The following PPP1R1C variants were observed in gnomAD, a reference collection of about 807,000 sequenced individuals.
PPP1R1C encodes protein phosphatase 1 regulatory subunit 1C.
Under a neutral mutation model 17.4 loss-of-function variants are expected in PPP1R1C, and 15 were observed. That is an observed-to-expected ratio of 0.86 (90% CI 0.58 to 1.33). The LOEUF (loss-of-function observed/expected upper bound fraction) is 1.33. Ranked by LOEUF, PPP1R1C falls within the 40% of genes most tolerant of loss-of-function variation. PPP1R1C has a pLI of 0.00. For missense variants in PPP1R1C, 143 were observed against 130.0 expected, an observed-to-expected ratio of 1.10 and a Z score of -0.48; for synonymous variants, 35 against 43.1, an observed-to-expected ratio of 0.81 and a Z score of 0.73.
intron 5 of PPP1R1C, among the ~76,000 whole-genome samples, chr2:182,123,331 A>G (rs1186377923): frequency 2.6e-5 from 4 of 152,144 alleles, no homozygotes; most frequent in African/African-American, 4.8e-5. Flanking sequence ...GTGTGTCTTT[A>G]TAGTAGAATG....
At chr2:181,980,807 CTTCAG>C (rs1685178300) in intron 2 of PPP1R1C, among the ~76,000 whole-genome samples, 1 of 152,112 alleles carries the variant, frequency 6.6e-6, no homozygotes, top group Admixed American at 6.6e-5. Context: ...ACTAATAATT[CTTCAG>C]TTCAATTCAG....
Position 181,962,527 on chromosome 2 carries a change from C to T in PPP1R1C, n.111+7893C>T. ...GGACAGGACTCAGGCTTTGCCGACC[C>T]GTCATAGCAGTTTTCTAAGGAACCT... On this transcript the variant is annotated intron_variant and non_coding_transcript_variant, in intron 1 of 5. Coordinates refer to the PPP1R1C transcript ENST00000464264. The surrounding 1 kb of genome is among the most constrained non-coding windows in gnomAD (Gnocchi z 6.0). The T allele has an allele frequency of 1.1e-5, 7 of 612,016 alleles. No individual in the cohort carries two copies. In the South Asian group the frequency reaches 1.2e-4, roughly 11 times the overall value. The allele number at this position is 612,016 out of a possible 1,614,324, so 37.9% of individuals were successfully genotyped here.
chr2:182,008,604 T>C (rs1213015806), intron 2 of PPP1R1C, among the ~76,000 whole-genome samples: 1 of 152,202 alleles, frequency 6.6e-6, no homozygotes, highest in Non-Finnish European at 1.5e-5. Context: ...AAGCATACAA[T>C]GTGTAGTAAT....
At chr2:182,124,799 A>T (rs1689834246) in intron 5 of PPP1R1C, among the ~76,000 whole-genome samples, 1 of 152,154 alleles carries the variant, frequency 6.6e-6, no homozygotes, top group African/African-American at 2.4e-5. Flanking sequence ...TTTTGGACTG[A>T]GATGATGGGA....
At chr2:182,032,338 C>G (rs1686869872) in intron 2 of PPP1R1C, among the ~76,000 whole-genome samples, 1 of 152,198 alleles carries the variant, frequency 6.6e-6, no homozygotes, top group South Asian at 2.1e-4. Flanking sequence ...GAGACCTACC[C>G]TGTCTACCAT....
At chr2:182,042,227 T>G (rs895361539) in intron 2 of PPP1R1C, among the ~76,000 whole-genome samples, 9 of 152,342 alleles carry the variant, frequency 5.9e-5, no homozygotes, top group African/African-American at 1.9e-4. Flanking sequence ...GAATAAATAC[T>G]TCTTGATCTT....
At position 181,976,600 on chromosome 2, in the gene PPP1R1C, C is replaced by A. The variant is rs1452957221; in HGVS notation, n.157+1336C>A. Among the ~76,000 whole-genome samples the A allele has an allele frequency of 6.6e-6, 1 of 151,900 alleles. No individual in the cohort carries two copies. Among genetic ancestry groups the A allele is most frequent in the African/African-American group, 2.4e-5 (1 of 41,390 alleles). The stretch of plus-strand genomic sequence containing the variant: ...CTTAATATAAATTTTATCTATATAT[C>A]TGTATATCTATATCTATATCTATAT... On this transcript the variant is annotated intron_variant and non_coding_transcript_variant, in intron 2 of 5. Coordinates refer to the PPP1R1C transcript ENST00000464264. The surrounding 1 kb of genome is among the most constrained non-coding windows in gnomAD (Gnocchi z 4.8).
At chr2:182,076,957 T>A (rs943976456) in intron 4 of PPP1R1C, among the ~76,000 whole-genome samples, 2 of 152,220 alleles carry the variant, frequency 1.3e-5, no homozygotes, top group Non-Finnish European at 2.9e-5. Context: ...AATAATGGAA[T>A]TAGTTTTTCT....
intron 4 of PPP1R1C, among the ~76,000 whole-genome samples, chr2:182,071,780 A>C (rs185030056): frequency 5.3e-4 from 81 of 152,322 alleles, no homozygotes; most frequent in Non-Finnish European, 1.1e-3. Context: ...ATACTATATT[A>C]CTTACTTTGT....
chr2:182,123,851 A>T (rs1289690540), intron 5 of PPP1R1C, among the ~76,000 whole-genome samples: 1 of 152,102 alleles, frequency 6.6e-6, no homozygotes, highest in African/African-American at 2.4e-5. Flanking sequence ...GAAGCTCTTT[A>T]GTTTAATTGG....
chr2:181,969,300 C>A (rs1238744012), intron 1 of PPP1R1C, among the ~76,000 whole-genome samples: 2 of 152,164 alleles, frequency 1.3e-5, no homozygotes, highest in Non-Finnish European at 2.9e-5. Context: ...TTGATGAAAT[C>A]TTTCAGCTTT....
At chr2:182,051,396 A>C (rs1349650058) in intron 2 of PPP1R1C, among the ~76,000 whole-genome samples, 1 of 152,176 alleles carries the variant, frequency 6.6e-6, no homozygotes, top group African/African-American at 2.4e-5. Context: ...TGAATGAATG[A>C]CTTTTCCAGT....
intron 3 of PPP1R1C, 85 bp from the exon 4 acceptor site, chr2:182,063,646 A>G (rs762115052): frequency 5.1e-6 from 5 of 989,980 alleles, no homozygotes; most frequent in Non-Finnish European, 8.2e-6. Context: ...ATAACATGGC[A>G]CAGTATTTAT....
chr2:181,962,103 A>G lies in PPP1R1C; in HGVS notation n.111+7469A>G. On this transcript the variant is annotated intron_variant and non_coding_transcript_variant, in intron 1 of 5. Coordinates refer to the PPP1R1C transcript ENST00000464264. This position sits in a 1 kb window ranked among gnomAD's most constrained non-coding sequence, Gnocchi z 6.0. ...TCGATGGTCTTGAGGTAATGACTCC[A>G]GTCTCTGACCTGGAGTCCCTTCTTC... is the stretch of plus-strand genomic sequence containing the variant. 1.4e-6 allele frequency: 1 copy of G among 721,850 alleles called. No individual in the cohort carries two copies. Among genetic ancestry groups the G allele is most frequent in the African/African-American group, 1.7e-5 (1 of 57,672 alleles). The allele number at this position is 721,850 out of a possible 1,614,324, so 44.7% of individuals were successfully genotyped here. A position where few individuals can be genotyped will look rare whatever the true frequency, so the allele number is the denominator to read the frequency against.
chr2:182,100,502 C>G, intron 4 of PPP1R1C, among the ~76,000 whole-genome samples: 1 of 149,402 alleles, frequency 6.7e-6, no homozygotes, highest in East Asian at 2.0e-4. Context: ...GAGCGAGATT[C>G]CATCTCGGAA....
At position 181,961,996 on chromosome 2, in the gene PPP1R1C, G is replaced by A. The variant is rs772913687; in HGVS notation, n.111+7362G>A. 10 of 731,680 alleles carry A rather than the reference G, an allele frequency of 1.4e-5. No homozygotes were observed. Among genetic ancestry groups the A allele is most frequent in the East Asian group, 1.1e-4 (4 of 37,678 alleles). The allele number at this position is 731,680 out of a possible 1,614,324, so 45.3% of individuals were successfully genotyped here. ...TCTCATACTTGACTCTAAAGTCATCGGCTGCAAGACAGGCATTGTCAATCT... is the reference window on the plus strand; with the variant it reads ...TCTCATACTTGACTCTAAAGTCATCAGCTGCAAGACAGGCATTGTCAATCT... On this transcript the variant is annotated intron_variant and non_coding_transcript_variant, in intron 1 of 5. Coordinates refer to the PPP1R1C transcript ENST00000464264. The surrounding 1 kb of genome is among the most constrained non-coding windows in gnomAD (Gnocchi z 5.8).
intron 2 of PPP1R1C, among the ~76,000 whole-genome samples, chr2:182,018,722 G>T (rs2125161087): frequency 6.6e-6 from 1 of 152,336 alleles, no homozygotes; most frequent in Middle Eastern, 3.4e-3. Context: ...GGAGTGGCAT[G>T]AAAGTCAGTT....
At chr2:182,052,863 T>C (rs1444592821) in intron 2 of PPP1R1C, among the ~76,000 whole-genome samples, 1 of 152,240 alleles carries the variant, frequency 6.6e-6, no homozygotes, top group Non-Finnish European at 1.5e-5. Flanking sequence ...ATAGACTGAC[T>C]TCCTGTCAGC....
At chr2:181,955,082 A>G (rs1469136863) in intron 1 of PPP1R1C, among the ~76,000 whole-genome samples, 1 of 152,234 alleles carries the variant, frequency 6.6e-6, no homozygotes, top group African/African-American at 2.4e-5. Flanking sequence ...AGAATAATAC[A>G]GATGTTATTG....
Sources: gnomAD v4.1 joint callset for allele counts (sites outside exome capture counted in the v4.1 genomes callset) on GRCh38, gnomAD v4.1.1 for gene constraint, Gnocchi (gnomAD v3.1) non-coding constraint, MANE v1.5 for transcripts, NCBI Gene and HGNC (gene_info 2026-07-23, HGNC 2026-07-21) for gene names.